The following PDE5A variants were observed in gnomAD, a reference collection of about 807,000 sequenced individuals.
PDE5A encodes the protein phosphodiesterase 5A.
PDE5A carries 67 observed loss-of-function variants against 110.2 expected under a neutral mutation model. The ratio of observed to expected loss-of-function variants is 0.61; its 90% CI spans 0.50 to 0.75. The LOEUF is 0.75. PDE5A is among the 30% of genes least tolerant of loss of function. The pLI is 0.00. For synonymous variants in PDE5A, 328 were observed against 351.2 expected, an observed-to-expected ratio of 0.93 and a Z score of 0.74; for missense variants, 862 against 1,045.1, an observed-to-expected ratio of 0.82 and a Z score of 2.42.
At chr4:119,516,261 T>C (rs556026539) in intron 14 of PDE5A, among the ~76,000 whole-genome samples, 78 of 152,234 alleles carry the variant, frequency 5.1e-4, no homozygotes, top group Non-Finnish European at 9.3e-4. Context: ...TTTCTTGTAG[T>C]GATCACTATT....
intron 14 of PDE5A, among the ~76,000 whole-genome samples, chr4:119,517,770 A>G (rs1353475262): frequency 6.6e-6 from 1 of 150,586 alleles, no homozygotes; most frequent in African/African-American, 2.5e-5. Flanking sequence ...TACTAATAAT[A>G]TTATGTTCAG....
chr4:119,516,650 G>A (rs1050533601), intron 14 of PDE5A, among the ~76,000 whole-genome samples: 3 of 151,438 alleles, frequency 2.0e-5, no homozygotes, highest in African/African-American at 4.9e-5. Context: ...ATAGAGTCTC[G>A]CTCTGCTGCC....
At chr4:119,529,577 G>C (rs1726459497) in intron 11 of PDE5A, among the ~76,000 whole-genome samples, 1 of 152,140 alleles carries the variant, frequency 6.6e-6, no homozygotes, top group African/African-American at 2.4e-5. Context: ...CAGTCCTGCA[G>C]CTTGCAGTTC....
Position 119,501,263 on chromosome 4 carries a change from C to G in PDE5A, c.2407-10G>C, listed in dbSNP as rs761639956. On this transcript the variant is annotated splice_polypyrimidine_tract_variant and intron_variant, in intron 19 of 20. Coordinates refer to ENST00000354960, the MANE Select transcript of PDE5A (RefSeq NM_001083.4). ...CCCTGTTCATTAGATCCTGAAAATA[C>G]AAATACAGACCAGACACACAGATGT... 6.7e-7 allele frequency: 1 copy of G among 1,481,972 alleles called. No individual in the cohort carries two copies. Among genetic ancestry groups the G allele is most frequent in the Non-Finnish European group, 9.4e-7 (1 of 1,060,190 alleles). 91.8% of individuals were successfully genotyped at this position (1,481,972 alleles called of 1,614,324 possible). A position where few individuals can be genotyped will look rare whatever the true frequency, so the allele number is the denominator to read the frequency against.
intron 3 of PDE5A, 37 bp downstream of exon 3, chr4:119,596,486 T>G (rs778609474): frequency 8.6e-7 from 1 of 1,169,012 alleles, no homozygotes; most frequent in Non-Finnish European, 1.2e-6. Context: ...AGAAAAATAT[T>G]TCCAATGACC....
At chr4:119,614,042 T>C (rs1729848443) in intron 1 of PDE5A, among the ~76,000 whole-genome samples, 1 of 151,592 alleles carries the variant, frequency 6.6e-6, no homozygotes, top group Admixed American at 6.6e-5. Context: ...AAAGATGACT[T>C]ACGACACATG....
intron 12 of PDE5A, among the ~76,000 whole-genome samples, chr4:119,521,610 A>G (rs1430970087): frequency 2.0e-5 from 3 of 151,704 alleles, no homozygotes; most frequent in Non-Finnish European, 3.0e-5. Context: ...AATTGGAGCT[A>G]CAAGACAATG....
Position 119,570,497 on chromosome 4 carries a change from C to T in PDE5A, c.832-3353G>A, listed in dbSNP as rs114983618. Among the ~76,000 whole-genome samples the T allele has an allele frequency of 8.2e-3, 1,243 of 152,270 alleles. 12 individuals are homozygous for T. The highest frequency in any genetic ancestry group is 0.029 in the African/African-American group (1,186 of 41,542). On this transcript the variant is annotated intron_variant, in intron 3 of 20. Transcript: ENST00000354960. ...CTTTCTGTTTTCTATTTTACTGGCA[C>T]TATGCACAGCACAAATGGATGTTAT... is the stretch of plus-strand genomic sequence containing the variant.
intron 10 of PDE5A, 61 bp downstream of exon 10, chr4:119,542,398 G>C (rs1213416546): frequency 5.4e-6 from 8 of 1,490,004 alleles, no homozygotes; most frequent in East Asian, 2.3e-5. Flanking sequence ...GTGATTATGA[G>C]GGAAAGGTAA....
chr4:119,533,951 G>T (rs1270142339), intron 11 of PDE5A, among the ~76,000 whole-genome samples: 1 of 152,102 alleles, frequency 6.6e-6, no homozygotes. Flanking sequence ...TAGTAAAGAA[G>T]AAGCTCAAGA....
At chr4:119,519,442 T>C (rs1158690747) in intron 13 of PDE5A, 10 of 275,094 alleles carry the variant, frequency 3.6e-5, no homozygotes, top group African/African-American at 1.8e-4. Context: ...GAAATAATCA[T>C]AATAAACTTT....
chr4:119,511,776 T>A (rs1448852100), intron 14 of PDE5A, among the ~76,000 whole-genome samples: 3 of 152,108 alleles, frequency 2.0e-5, no homozygotes, highest in Admixed American at 2.0e-4. Flanking sequence ...CTAATTGAAC[T>A]TGGTGAAGCA....
intron 10 of PDE5A, chr4:119,541,759 T>TG (rs1489953363): frequency 6.6e-6 from 1 of 152,164 alleles, no homozygotes; most frequent in Non-Finnish European, 1.5e-5. Flanking sequence ...CTGACCCTGT[T>TG]GGAGTCGGCT....
intron 3 of PDE5A, among the ~76,000 whole-genome samples, chr4:119,578,469 G>A (rs536710913): frequency 3.9e-5 from 6 of 152,284 alleles, no homozygotes; most frequent in Admixed American, 2.6e-4. Flanking sequence ...AAAACAGCAT[G>A]GTACTGGTAC....
intron 10 of PDE5A, among the ~76,000 whole-genome samples, chr4:119,539,752 TCAGGC>T (rs1726859286): frequency 6.6e-6 from 1 of 152,268 alleles, no homozygotes; most frequent in East Asian, 1.9e-4. Flanking sequence ...AGTTAAAAAA[TCAGGC>T]TTATTAACTT....
intron 3 of PDE5A, among the ~76,000 whole-genome samples, chr4:119,578,554 C>G (rs1374118781): frequency 1.3e-5 from 2 of 152,216 alleles, no homozygotes; most frequent in Admixed American, 1.3e-4. Flanking sequence ...ACCATCTGAT[C>G]TTTGACAAAC....
intron 3 of PDE5A, among the ~76,000 whole-genome samples, chr4:119,592,487 A>AAAAAAAAAAT (rs70944896): frequency 7.3e-6 from 1 of 136,958 alleles, no homozygotes; most frequent in Non-Finnish European, 1.6e-5. Flanking sequence ...AAAAAAAAAA[A>AAAAAAAAAAT]GCTGTGTTCT....
chr4:119,593,417 T>G (rs1729048046), intron 3 of PDE5A, among the ~76,000 whole-genome samples: 1 of 152,228 alleles, frequency 6.6e-6, no homozygotes, highest in Non-Finnish European at 1.5e-5. Flanking sequence ...TACAAACTAC[T>G]GATACATCCA....
intron 11 of PDE5A, among the ~76,000 whole-genome samples, chr4:119,535,575 C>A (rs971174684): frequency 4.8e-4 from 73 of 152,036 alleles, no homozygotes; most frequent in African/African-American, 1.6e-3. Flanking sequence ...AGCCGGGGTC[C>A]TTTTATTATT....
Sources: gnomAD v4.1 joint callset for allele counts (sites outside exome capture counted in the v4.1 genomes callset) on GRCh38, gnomAD v4.1.1 for gene constraint, MANE v1.5 for transcripts, NCBI Gene and HGNC (gene_info 2026-07-23, HGNC 2026-07-21) for gene names.